The following GRIN3A variants were observed in gnomAD, a reference collection of about 807,000 sequenced individuals.
GRIN3A encodes the protein glutamate ionotropic receptor NMDA type subunit 3A.
In GRIN3A, 47 loss-of-function variants were observed where a neutral mutation model predicts 92.4. The ratio of observed to expected loss-of-function variants is 0.51; its 90% CI spans 0.40 to 0.65. GRIN3A has a LOEUF of 0.65. Ranked by LOEUF, GRIN3A falls within the 30% of genes least tolerant of loss-of-function variation. The probability of loss-of-function intolerance (pLI) is 0.00; values close to 1 mark genes in which losing one functional copy is unlikely to be tolerated. For missense variants in GRIN3A, 1,324 were observed against 1,393.1 expected (o/e 0.95, Z 0.79); for synonymous variants, 527 against 540.6 (o/e 0.97, Z 0.35).
At chr9:101,616,942 A>G (rs28718052) in intron 5 of GRIN3A, among the ~76,000 whole-genome samples, 2 of 151,064 alleles carry the variant, frequency 1.3e-5, no homozygotes, top group South Asian at 4.2e-4. Flanking sequence ...GGCTCACGCC[A>G]GTAATCTCGG....
chr9:101,605,690 G>T (rs55731515), intron 6 of GRIN3A, among the ~76,000 whole-genome samples: 22,658 of 152,198 alleles, frequency 0.15, 2,107 homozygotes, highest in Non-Finnish European at 0.21. Context: ...CAGATATGGG[G>T]TACTGTTTCC....
chr9:101,656,068 G>C (rs1829085436), intron 3 of GRIN3A, among the ~76,000 whole-genome samples: 1 of 151,902 alleles, frequency 6.6e-6, no homozygotes, highest in African/African-American at 2.4e-5. Flanking sequence ...GTGAGAAATG[G>C]GTTAATAATG....
chr9:101,607,451 C>T (rs73509323), intron 6 of GRIN3A, among the ~76,000 whole-genome samples: 3 of 152,124 alleles, frequency 2.0e-5, no homozygotes, highest in East Asian at 1.9e-4. Flanking sequence ...AAAAGTAAAC[C>T]GAAAAATGGA....
chr9:101,623,781 A>G lies in GRIN3A; in HGVS notation c.2499-348T>C, dbSNP rs10114871. 7.3e-3 allele frequency among the ~76,000 whole-genome samples: 1,111 copies of G among 152,360 alleles called. 12 individuals are homozygous for G. The highest frequency in any genetic ancestry group is 0.026 in the African/African-American group (1,071 of 41,584). On this transcript the variant is annotated intron_variant, in intron 4 of 8. Transcript: ENST00000361820. Reference sequence around the variant, plus strand: ...ACTGTTAGAGGGACTTCTTGTTGTTAGGCATTGCATTCATTGTTCTCTATA... The same window carrying G: ...ACTGTTAGAGGGACTTCTTGTTGTTGGGCATTGCATTCATTGTTCTCTATA...
intron 3 of GRIN3A, among the ~76,000 whole-genome samples, chr9:101,669,783 T>G (rs1829292932): frequency 6.6e-6 from 1 of 152,038 alleles, no homozygotes; most frequent in Non-Finnish European, 1.5e-5. Flanking sequence ...GATGGTCAAA[T>G]AATACAAGGA....
intron 1 of GRIN3A, among the ~76,000 whole-genome samples, chr9:101,710,738 T>C (rs1225641185): frequency 1.3e-5 from 2 of 152,152 alleles, no homozygotes; most frequent in Non-Finnish European, 2.9e-5. Context: ...TGGTACAGAG[T>C]TGACTGGCAA....
intron 1 of GRIN3A, among the ~76,000 whole-genome samples, chr9:101,705,320 A>G (rs1007279159): frequency 1.3e-5 from 2 of 152,084 alleles, no homozygotes; most frequent in South Asian, 2.1e-4. Context: ...CGCCGCAGAG[A>G]AGGAGGAAGA....
intron 6 of GRIN3A, among the ~76,000 whole-genome samples, chr9:101,589,715 T>G (rs1197222659): frequency 5.3e-5 from 8 of 152,206 alleles, no homozygotes; most frequent in Non-Finnish European, 1.2e-4. Context: ...TATAAAAGTT[T>G]GAAGTTTTAC....
intron 3 of GRIN3A, among the ~76,000 whole-genome samples, chr9:101,640,907 C>T (rs949103196): frequency 6.6e-5 from 10 of 152,062 alleles, no homozygotes; most frequent in Non-Finnish European, 1.2e-4. Context: ...TTTCCAGTCT[C>T]GGTATGTCTT....
intron 2 of GRIN3A, among the ~76,000 whole-genome samples, chr9:101,677,852 A>G (rs1337285724): frequency 6.6e-6 from 1 of 152,162 alleles, no homozygotes; most frequent in Non-Finnish European, 1.5e-5. Flanking sequence ...CTTACATGTG[A>G]AATGACTCCT....
chr9:101,731,300 C>T (rs1427237214), intron 1 of GRIN3A, among the ~76,000 whole-genome samples: 1 of 147,866 alleles, frequency 6.8e-6, no homozygotes, highest in Non-Finnish European at 1.5e-5. Flanking sequence ...TGGATGGCTT[C>T]TCACTTCCTA....
At chr9:101,578,757 T>A (rs1395033713) in intron 7 of GRIN3A, among the ~76,000 whole-genome samples, 3 of 152,180 alleles carry the variant, frequency 2.0e-5, no homozygotes, top group African/African-American at 7.2e-5. Flanking sequence ...TTGGCCCCAA[T>A]GGGTCTCAAA....
intron 1 of GRIN3A, among the ~76,000 whole-genome samples, chr9:101,697,139 A>G (rs778053221): frequency 5.3e-5 from 8 of 152,202 alleles, no homozygotes; most frequent in Non-Finnish European, 8.8e-5. Context: ...CGAGCTTAAC[A>G]CTAGAAATAG....
chr9:101,686,846 G>A lies in GRIN3A; in HGVS notation c.1054C>T (p.Leu352Phe), dbSNP rs1007579481. The stretch of plus-strand genomic sequence containing the variant: ...TGGGAATCTCCCAGCACCCAACGAA[G>A]TTCAGGGGGCATGACCCCAAACTGG... ...TTQFGVMPPE[L>F]RWVLGDSQNV... The change falls in exon 2 of 9, where the codon CTT (leucine) becomes TTT (phenylalanine). Residue 352 changes from leucine to phenylalanine, a missense_variant. Physicochemically the swap from Leu to Phe is conservative, Grantham distance 22. Transcript: ENST00000361820. 1.9e-6 allele frequency: 3 copies of A among 1,614,208 alleles called. No homozygotes were observed. The highest frequency in any genetic ancestry group is 1.3e-5 in the African/African-American group (1 of 75,052).
intron 6 of GRIN3A, among the ~76,000 whole-genome samples, chr9:101,609,592 T>C (rs1281446033): frequency 2.0e-5 from 3 of 152,194 alleles, no homozygotes; most frequent in African/African-American, 7.2e-5. Flanking sequence ...TGTTAATAAT[T>C]GTGTTGGTAA....
chr9:101,680,129 A>G (rs1019849958), intron 2 of GRIN3A, among the ~76,000 whole-genome samples: 1 of 152,206 alleles, frequency 6.6e-6, no homozygotes, highest in Non-Finnish European at 1.5e-5. Context: ...GTATCCTTAT[A>G]GTTAAGGAAA....
chr9:101,641,802 A>T (rs1180582282), intron 3 of GRIN3A, among the ~76,000 whole-genome samples: 1 of 151,908 alleles, frequency 6.6e-6, no homozygotes, highest in Admixed American at 6.6e-5. Flanking sequence ...TAAAAAAAAA[A>T]ACGAAATGCA....
chr9:101,719,981 G>A (rs1358359586), intron 1 of GRIN3A, among the ~76,000 whole-genome samples: 1 of 152,092 alleles, frequency 6.6e-6, no homozygotes, highest in Non-Finnish European at 1.5e-5. Context: ...GAACAGCCGA[G>A]CACCCTGGGT....
intron 6 of GRIN3A, among the ~76,000 whole-genome samples, chr9:101,586,586 G>A (rs148121117): frequency 1.2e-4 from 18 of 152,138 alleles, no homozygotes; most frequent in African/African-American, 4.1e-4. Flanking sequence ...ACCAATCTAG[G>A]GATCTACTGT....
Sources: allele counts gnomAD v4.1 joint callset (sites outside exome capture counted in the v4.1 genomes callset), GRCh38; gene constraint gnomAD v4.1.1; transcripts MANE v1.5; gene names NCBI Gene and HGNC (gene_info 2026-07-23, HGNC 2026-07-21).